EPHA6: variants seen among roughly 807,000 people sequenced by gnomAD.
EPHA6 encodes ephrin type-A receptor 6.
Under a neutral mutation model 112.0 loss-of-function variants are expected in EPHA6, and 50 were observed. That is an observed-to-expected ratio of 0.45 (90% CI 0.36 to 0.56). The LOEUF (loss-of-function observed/expected upper bound fraction) is 0.56, where lower values mean the gene tolerates loss of function less well. Ranked by LOEUF, EPHA6 falls within the 20% of genes least tolerant of loss-of-function variation. The pLI is 0.00. For synonymous variants in EPHA6, 529 were observed against 490.7 expected, an observed-to-expected ratio of 1.08 and a Z score of -1.03; for missense variants, 1,280 against 1,417.4, an observed-to-expected ratio of 0.90 and a Z score of 1.56.
intron 1 of EPHA6, among the ~76,000 whole-genome samples, chr3:96,818,194 A>G (rs551660827): frequency 2.0e-5 from 3 of 151,982 alleles, no homozygotes; most frequent in African/African-American, 7.2e-5. Flanking sequence ...ATAAAACACA[A>G]TCTTGCTTCA....
chr3:97,061,614 C>T (rs190761723), intron 3 of EPHA6, among the ~76,000 whole-genome samples: 27 of 152,060 alleles, frequency 1.8e-4, no homozygotes, highest in African/African-American at 6.0e-4. Flanking sequence ...AAAATAAACT[C>T]GGGAAATAGG....
At chr3:96,972,187 T>G (rs887936288) in intron 2 of EPHA6, among the ~76,000 whole-genome samples, 1 of 151,902 alleles carries the variant, frequency 6.6e-6, no homozygotes, top group Non-Finnish European at 1.5e-5. Flanking sequence ...CCATGACTAT[T>G]CCCCCTTTAT....
chr3:97,550,642 G>A (rs1322259282), intron 11 of EPHA6, among the ~76,000 whole-genome samples: 1 of 152,148 alleles, frequency 6.6e-6, no homozygotes, highest in African/African-American at 2.4e-5. Context: ...AGCCTTGCTT[G>A]GGCTTGGAAT....
At chr3:97,694,631 C>G (rs545715445) in intron 14 of EPHA6, among the ~76,000 whole-genome samples, 3 of 152,308 alleles carry the variant, frequency 2.0e-5, no homozygotes, top group Admixed American at 2.0e-4. Flanking sequence ...CACTTTTAAT[C>G]TGTCCTTGGA....
At chr3:97,548,998 A>G (rs1386393233) in intron 11 of EPHA6, among the ~76,000 whole-genome samples, 5 of 152,252 alleles carry the variant, frequency 3.3e-5, no homozygotes, top group African/African-American at 1.2e-4. Context: ...CTTGTGGGTG[A>G]TGATGCTGGC....
intron 3 of EPHA6, among the ~76,000 whole-genome samples, chr3:97,170,669 T>C (rs1234890927): frequency 6.6e-6 from 1 of 151,816 alleles, no homozygotes. Flanking sequence ...CCCAGGAGGC[T>C]GAGATTGCAG....
At chr3:97,106,307 T>A (rs1207703195) in intron 3 of EPHA6, among the ~76,000 whole-genome samples, 1 of 151,998 alleles carries the variant, frequency 6.6e-6, no homozygotes, top group East Asian at 1.9e-4. Context: ...AAACTCAGAC[T>A]GATTCAACTT....
At chr3:97,340,925 C>T (rs965043423) in intron 5 of EPHA6, among the ~76,000 whole-genome samples, 7 of 152,138 alleles carry the variant, frequency 4.6e-5, no homozygotes, top group African/African-American at 9.7e-5. Context: ...CTTCAATGTA[C>T]GATTTTGGGG....
chr3:97,330,554 C>G (rs62262764), intron 5 of EPHA6, among the ~76,000 whole-genome samples: 345 of 152,082 alleles, frequency 2.3e-3, no homozygotes, highest in Non-Finnish European at 4.0e-3. Context: ...AGTTGGATTC[C>G]TAGGCATTTA....
chr3:97,643,677 G>A (rs1162515928), intron 14 of EPHA6, among the ~76,000 whole-genome samples: 1 of 151,914 alleles, frequency 6.6e-6, no homozygotes, highest in African/African-American at 2.4e-5. Flanking sequence ...AACCAACAAA[G>A]ATCAAAAGAG....
intron 12 of EPHA6, among the ~76,000 whole-genome samples, chr3:97,595,238 T>C (rs1266495856): frequency 6.6e-6 from 1 of 152,234 alleles, no homozygotes; most frequent in Non-Finnish European, 1.5e-5. Context: ...AGGGTTATTA[T>C]TCTTAGTTTC....
intron 2 of EPHA6, among the ~76,000 whole-genome samples, chr3:96,869,375 CAAA>C (rs200135336): frequency 1.0e-5 from 1 of 100,292 alleles, no homozygotes. Flanking sequence ...TCAGCTCTTT[CAAA>C]AAAAAAAAAA....
At chr3:97,660,974 T>C (rs1427721916) in intron 14 of EPHA6, among the ~76,000 whole-genome samples, 1 of 152,160 alleles carries the variant, frequency 6.6e-6, no homozygotes, top group Admixed American at 6.6e-5. Context: ...TAGTTTGTCA[T>C]TTTTATCAAT....
chr3:97,729,108 G>C (rs1259244881), intron 15 of EPHA6, among the ~76,000 whole-genome samples: 3 of 151,822 alleles, frequency 2.0e-5, no homozygotes, highest in Non-Finnish European at 4.4e-5. Context: ...GAAAATCTTA[G>C]GCTAAACAAC....
At chr3:97,639,951 AGT>A (rs2093986105) in intron 14 of EPHA6, among the ~76,000 whole-genome samples, 1 of 125,804 alleles carries the variant, frequency 7.9e-6, no homozygotes, top group Non-Finnish European at 1.8e-5. Flanking sequence ...AATATAATCA[AGT>A]TTTTTTTTTT....
At chr3:97,517,757 C>CTGAAT (rs2092470389) in intron 10 of EPHA6, among the ~76,000 whole-genome samples, 2 of 152,156 alleles carry the variant, frequency 1.3e-5, no homozygotes, top group East Asian at 3.9e-4. Context: ...ACCGGTGCCC[C>CTGAAT]CACCCCACAC....
intron 13 of EPHA6, among the ~76,000 whole-genome samples, chr3:97,614,509 T>TTTA (rs1560192389): frequency 7.1e-4 from 64 of 90,276 alleles, no homozygotes; most frequent in African/African-American, 4.6e-3. Flanking sequence ...TAATTTTTTT[T>TTTA]TTTTTTTTTT....
intron 5 of EPHA6, among the ~76,000 whole-genome samples, chr3:97,281,090 A>G (rs1381392528): frequency 6.6e-6 from 1 of 152,176 alleles, no homozygotes; most frequent in Admixed American, 6.5e-5. Flanking sequence ...AGAGAAGTTA[A>G]GTGTTATCAG....
intron 2 of EPHA6, among the ~76,000 whole-genome samples, chr3:96,972,424 A>ACAC (rs2042350080): frequency 1.4e-5 from 2 of 144,756 alleles, no homozygotes; most frequent in African/African-American, 5.0e-5. Context: ...CACACACACA[A>ACAC]ACACACACAC....
Sources: allele counts gnomAD v4.1 joint callset (sites outside exome capture counted in the v4.1 genomes callset), GRCh38; gene constraint gnomAD v4.1.1; transcripts MANE v1.5; gene names NCBI Gene and HGNC (gene_info 2026-07-23, HGNC 2026-07-21).